Variants in PIM1 observed in about 807,000 individuals in gnomAD.
PIM1 encodes the protein Pim-1 proto-oncogene, serine/threonine kinase, also known as serine/threonine-protein kinase pim-1.
PIM1 carries 9 observed loss-of-function variants against 34.5 expected under a neutral mutation model. The ratio of observed to expected loss-of-function variants is 0.26; its 90% CI spans 0.16 to 0.46. The LOEUF is 0.46. Among genes scored for constraint, PIM1 ranks in the 20% least tolerant of loss-of-function variants. The pLI, the probability that PIM1 is intolerant of heterozygous loss-of-function variation, is 1.00. For missense variants in PIM1, 274 were observed against 410.9 expected (o/e 0.67, Z 2.88); for synonymous variants, 199 against 175.2 (o/e 1.14, Z -1.07).
rs754950017 is a variant in PIM1 at position 37,171,227 on chromosome 6, A to C, written c.343A>C (p.Ser115Arg). The C allele has an allele frequency of 3.1e-6, 5 of 1,614,006 alleles. No individual in the cohort carries two copies. In the East Asian group the frequency reaches 1.1e-4, roughly 36 times the overall value. ...RLLDWFERPD[S>R]FVLILERPEP... is the part of the protein sequence containing the mutation. ...CCTGGACTGGTTCGAGAGGCCCGAC[A>C]GTTTCGTCCTGATCCTGGAGAGGCC... The change falls in exon 4 of 6, where the codon AGT becomes CGT. Residue 115 changes from serine to arginine, a missense_variant. Physicochemically the swap from Ser to Arg is moderately radical, Grantham distance 110 (BLOSUM62 -1). Coordinates refer to ENST00000373509, the MANE Select transcript of PIM1 (RefSeq NM_002648.4).
At position 37,170,272 on chromosome 6, in the gene PIM1, GCA is replaced by G; in HGVS notation, c.-303_-302del. 7.4e-7 allele frequency: 1 copy of G among 1,357,542 alleles called. No individual in the cohort carries two copies. The highest frequency in any genetic ancestry group is 9.5e-7 in the Non-Finnish European group (1 of 1,054,064). 84.1% of individuals were successfully genotyped at this position (1,357,542 alleles called of 1,614,324 possible). ...GGCAGCAGCAGCAGCAGCAGCAGCAGCAGCAACCACTAGCCTCCTGCCCCGCG... is the reference window on the plus strand; with the variant it reads ...GGCAGCAGCAGCAGCAGCAGCAGCAGGCAACCACTAGCCTCCTGCCCCGCG... On this transcript the variant is annotated 5_prime_UTR_variant, in exon 1 of 6. Coordinates refer to ENST00000373509, the MANE Select transcript of PIM1 (RefSeq NM_002648.4).
chr6:37,174,111 T>A lies in PIM1; in HGVS notation c.*20T>A, dbSNP rs1323297007. On this transcript the variant is annotated 3_prime_UTR_variant, in exon 6 of 6. Coordinates refer to ENST00000373509, the MANE Select transcript of PIM1 (RefSeq NM_002648.4). ...AAATAGCAGCCTTTCTGGCAGGTCC[T>A]CCCCTCTCTTGTCAGATGCCCGAGG... 1.2e-6 allele frequency: 2 copies of A among 1,604,718 alleles called. No homozygotes were observed. The highest frequency in any genetic ancestry group is 8.5e-7 in the Non-Finnish European group (1 of 1,175,670).
chr6:37,175,363 G>A lies in PIM1; in HGVS notation c.*1272G>A, dbSNP rs1183581920. On this transcript the variant is annotated 3_prime_UTR_variant, in exon 6 of 6. Transcript: ENST00000373509. ...TATCTGAGTGAAATACTGTACAGGG[G>A]AATAAAAGAGATCTTATTTTTTTTT... 1 of 233,152 alleles carries A rather than the reference G, an allele frequency of 4.3e-6. No individual in the cohort carries two copies. The highest frequency in any genetic ancestry group is 8.5e-6 in the Non-Finnish European group (1 of 117,828). The allele number at this position is 233,152 out of a possible 1,614,324, so 14.4% of individuals were successfully genotyped here.
At position 37,170,453 on chromosome 6, in the gene PIM1, A is replaced by T; in HGVS notation, c.-123A>T. The T allele has an allele frequency of 6.5e-7, 1 of 1,549,910 alleles. No individual in the cohort carries two copies. Among genetic ancestry groups the T allele is most frequent in the Non-Finnish European group, 8.7e-7 (1 of 1,153,878 alleles). ...CCGCGCCAGCCGCAGCCACAGCCGC[A>T]ACGCCACCCGCAGCCACAGCCACAG... On this transcript the variant is annotated 5_prime_UTR_variant, in exon 1 of 6. Coordinates refer to ENST00000373509, the MANE Select transcript of PIM1 (RefSeq NM_002648.4).
At position 37,175,135 on chromosome 6, in the gene PIM1, G is replaced by A. The variant is rs1214194619; in HGVS notation, c.*1044G>A. 6 of 233,472 alleles carry A rather than the reference G, an allele frequency of 2.6e-5. No homozygotes were observed. The South Asian group carries it at 5.4e-4, about 21-fold the overall frequency. 14.5% of individuals were successfully genotyped at this position (233,472 alleles called of 1,614,324 possible). On this transcript the variant is annotated 3_prime_UTR_variant, in exon 6 of 6. Transcript: ENST00000373509. ...GCTTGCTCTGTTTGTGGGGTGACGGGACTCAGGCGGGACAGTGCTGCAGCT... is the reference window on the plus strand; with the variant it reads ...GCTTGCTCTGTTTGTGGGGTGACGGAACTCAGGCGGGACAGTGCTGCAGCT...
At position 37,170,619 on chromosome 6, in the gene PIM1, C is replaced by A. The variant is rs1205446918; in HGVS notation, c.44C>A (p.Ala15Glu). The A allele has an allele frequency of 6.2e-7, 1 of 1,612,888 alleles. No individual in the cohort carries two copies. The highest frequency in any genetic ancestry group is 8.5e-7 in the Non-Finnish European group (1 of 1,179,548). ...KINSLAHLRAAPCNDLHATKL... is the reference protein window; with the variant it reads ...KINSLAHLRAEPCNDLHATKL... ...AACTCGCTTGCCCACCTGCGCGCCG[C>A]GCCCTGCAACGACCTGCACGCCACC... The change falls in exon 1 of 6, where the codon GCG becomes GAG. Residue 15 changes from alanine (A) to glutamate (E), a missense_variant. Physicochemically the swap from Ala to Glu is moderately radical, Grantham distance 107. Coordinates refer to ENST00000373509, the MANE Select transcript of PIM1 (RefSeq NM_002648.4).
At chr6:37,173,285 C>A (rs1583399429) in intron 5 of PIM1, 113 bp downstream of exon 5, 1 of 956,422 alleles carries the variant, frequency 1.0e-6, no homozygotes, top group Non-Finnish European at 1.5e-6. Flanking sequence ...GATTCTGTCA[C>A]CCTTGGCTTA....
At position 37,170,469 on chromosome 6, in the gene PIM1, A is replaced by G. The variant is rs984733177; in HGVS notation, c.-107A>G. 10 of 1,562,866 alleles carry G rather than the reference A, an allele frequency of 6.4e-6. No homozygotes were observed. In the African/African-American group the frequency reaches 6.8e-5, roughly 11 times the overall value. On this transcript the variant is annotated 5_prime_UTR_variant, in exon 1 of 6. Coordinates refer to ENST00000373509, the MANE Select transcript of PIM1 (RefSeq NM_002648.4). Reference sequence around the variant, plus strand: ...CACAGCCGCAACGCCACCCGCAGCCACAGCCACAGCCACAGCCCCAGGCAT... The same window carrying G: ...CACAGCCGCAACGCCACCCGCAGCCGCAGCCACAGCCACAGCCCCAGGCAT...
chr6:37,170,382 A>G lies in PIM1; in HGVS notation c.-194A>G. 1.3e-6 allele frequency: 2 copies of G among 1,518,510 alleles called. No individual in the cohort carries two copies. The highest frequency in any genetic ancestry group is 1.8e-6 in the Non-Finnish European group (2 of 1,138,754). 94.1% of individuals were successfully genotyped at this position (1,518,510 alleles called of 1,614,324 possible). A position where few individuals can be genotyped will look rare whatever the true frequency, so the allele number is the denominator to read the frequency against. ...CCCGCTGGCGCGCCCTCCCGCCGCC[A>G]GTCCCGGCAGCGCCCTCAGTTGTCC... is the stretch of plus-strand genomic sequence containing the variant. On this transcript the variant is annotated 5_prime_UTR_variant, in exon 1 of 6. Transcript: ENST00000373509.
At position 37,170,763 on chromosome 6, in the gene PIM1, C is replaced by G; in HGVS notation, c.83-10C>G. On this transcript the variant is annotated splice_polypyrimidine_tract_variant and intron_variant, in intron 1 of 5. Transcript: ENST00000373509. ...CCGGCACTGAGTCCCCGTGCTTCCC[C>G]CTTTCCTAGGCAAGGAGAAGGAGCC... 1 of 1,612,004 alleles carries G rather than the reference C, an allele frequency of 6.2e-7. No individual in the cohort carries two copies.
intron 5 of PIM1, 132 bp from the exon 6 acceptor site, chr6:37,173,802 C>T: frequency 1.4e-6 from 1 of 697,390 alleles, no homozygotes; most frequent in Non-Finnish European, 2.4e-6. Flanking sequence ...GTACCCAGCA[C>T]AGTGTTCTAG....
Position 37,174,182 on chromosome 6 carries a change from C to CT in PIM1, c.*92dup. 1 of 1,285,464 alleles carries CT rather than the reference C, an allele frequency of 7.8e-7. No individual in the cohort carries two copies. The highest frequency in any genetic ancestry group is 1.1e-6 in the Non-Finnish European group (1 of 921,904). 79.6% of individuals were successfully genotyped at this position (1,285,464 alleles called of 1,614,324 possible). Reference sequence around the variant, plus strand: ...AGCTTCCCGAGTACCAGTGACACGTCTCGCCAAGCAGGACAGTGCTTGATA... The same window carrying CT: ...AGCTTCCCGAGTACCAGTGACACGTCTTCGCCAAGCAGGACAGTGCTTGATA... On this transcript the variant is annotated 3_prime_UTR_variant, in exon 6 of 6. Transcript: ENST00000373509.
intron 4 of PIM1, chr6:37,172,489 G>C: frequency 2.3e-6 from 1 of 430,510 alleles, no homozygotes; most frequent in South Asian, 1.6e-5. Context: ...GTGGGTGTCT[G>C]CTCCTGCTTG....
chr6:37,171,885 GAGTT>G (rs1159073891), intron 4 of PIM1, among the ~76,000 whole-genome samples: 2 of 152,174 alleles, frequency 1.3e-5, no homozygotes, highest in African/African-American at 2.4e-5. Flanking sequence ...TTTTATAAGG[GAGTT>G]AGTTTTCTGT....
chr6:37,171,381 G>A lies in PIM1; in HGVS notation c.497G>A (p.Arg166His), dbSNP rs773608051. ...RHCHNCGVLH[R>H]DIKDENILID... ...TGCCACAACTGCGGGGTGCTCCACC[G>A]CGACATCAAGGACGAAAACATCCTT... Residue 166 changes from arginine to histidine, a missense_variant, in exon 4 of 6, where the codon CGC becomes CAC. Arg to His is a conservative substitution (Grantham distance 29). Transcript: ENST00000373509. 1 of 1,614,074 alleles carries A rather than the reference G, an allele frequency of 6.2e-7. No homozygotes were observed. Among genetic ancestry groups the A allele is most frequent in the East Asian group, 2.2e-5 (1 of 44,886 alleles).
intron 4 of PIM1, 45 bp from the exon 5 acceptor site, chr6:37,172,950 GT>G: frequency 6.4e-7 from 1 of 1,551,756 alleles, no homozygotes; most frequent in East Asian, 2.2e-5. Flanking sequence ...CTTTGTGCTT[GT>G]TTTTGCTAAA....
chr6:37,174,987 T>G lies in PIM1; in HGVS notation c.*896T>G, dbSNP rs1222055370. On this transcript the variant is annotated 3_prime_UTR_variant, in exon 6 of 6. Coordinates refer to ENST00000373509, the MANE Select transcript of PIM1 (RefSeq NM_002648.4). The stretch of plus-strand genomic sequence containing the variant: ...GCGCATTCTAACCTGGAGGTCAATG[T>G]TATGTATTTATTTATTTATTTATTT... 1 of 233,592 alleles carries G rather than the reference T, an allele frequency of 4.3e-6. No homozygotes were observed. The highest frequency in any genetic ancestry group is 8.5e-6 in the Non-Finnish European group (1 of 118,068). The allele number at this position is 233,592 out of a possible 1,614,324, so 14.5% of individuals were successfully genotyped here. A position where few individuals can be genotyped will look rare whatever the true frequency, so the allele number is the denominator to read the frequency against.
In PIM1 at chr6:37,170,251, GCA is replaced by G. The variant is rs1762243853; in HGVS notation, c.-324_-323del. 4 of 594,502 alleles carry G rather than the reference GCA, an allele frequency of 6.7e-6. No individual in the cohort carries two copies. The highest frequency in any genetic ancestry group is 4.0e-6 in the Non-Finnish European group (2 of 495,982). The allele number at this position is 594,502 out of a possible 1,614,324, so 36.8% of individuals were successfully genotyped here. On this transcript the variant is annotated 5_prime_UTR_variant, in exon 1 of 6. Coordinates refer to ENST00000373509, the MANE Select transcript of PIM1 (RefSeq NM_002648.4). Reference sequence around the variant, plus strand: ...GGCAGCGGCGGCGGCGGGACCGGCAGCAGCAGCAGCAGCAGCAGCAGCAGCAA... The same window carrying G: ...GGCAGCGGCGGCGGCGGGACCGGCAGGCAGCAGCAGCAGCAGCAGCAGCAA...
rs1325702718 is a variant in PIM1, at chr6:37,170,662, G to A, written c.82+5G>A. ...ACGCCACCAAGCTGGCGCCCGGTGAGAGCACCCCCCGCCTCCGGCCCGGGG... is the reference window on the plus strand; with the variant it reads ...ACGCCACCAAGCTGGCGCCCGGTGAAAGCACCCCCCGCCTCCGGCCCGGGG... On this transcript the variant is annotated splice_donor_5th_base_variant and intron_variant, in intron 1 of 5. Transcript: ENST00000373509. The A allele has an allele frequency of 6.2e-7, 1 of 1,611,020 alleles. No individual in the cohort carries two copies. Among genetic ancestry groups the A allele is most frequent in the Admixed American group, 1.7e-5 (1 of 59,852 alleles).
Sources: allele counts gnomAD v4.1 joint callset (sites outside exome capture counted in the v4.1 genomes callset), GRCh38; gene constraint gnomAD v4.1.1; transcripts MANE v1.5; gene names NCBI Gene and HGNC (gene_info 2026-07-23, HGNC 2026-07-21).